NSUN6: variants seen among roughly 807,000 people sequenced by gnomAD.
The protein encoded by NSUN6 is tRNA (cytosine(72)-C(5))-methyltransferase NSUN6.
A neutral mutation model predicts 58.0 loss-of-function variants in NSUN6; 64 were observed. That is an observed-to-expected ratio of 1.10 (90% CI 0.90 to 1.36). The LOEUF (loss-of-function observed/expected upper bound fraction) is 1.36, where lower values mean the gene tolerates loss of function less well. Ranked by LOEUF, NSUN6 falls within the 40% of genes most tolerant of loss-of-function variation. NSUN6 has a pLI of 0.00. For synonymous variants in NSUN6, 231 were observed against 193.9 expected, an observed-to-expected ratio of 1.19 and a Z score of -1.59; for missense variants, 701 against 550.1, an observed-to-expected ratio of 1.27 and a Z score of -2.74.
At chr10:18,643,067 G>A (rs1473152228) in intron 2 of NSUN6, among the ~76,000 whole-genome samples, 1 of 151,884 alleles carries the variant, frequency 6.6e-6, no homozygotes, top group Non-Finnish European at 1.5e-5. Context: ...AGCAGGTACA[G>A]GTGCGGGAGC....
intron 8 of NSUN6, among the ~76,000 whole-genome samples, chr10:18,578,906 G>A (rs975901589): frequency 2.6e-5 from 4 of 152,108 alleles, no homozygotes; most frequent in African/African-American, 9.7e-5. Flanking sequence ...TGTAAATGGT[G>A]AACCTGTCAA....
At chr10:18,625,435 G>A (rs2058757274) in intron 3 of NSUN6, among the ~76,000 whole-genome samples, 2 of 152,120 alleles carry the variant, frequency 1.3e-5, no homozygotes, top group South Asian at 4.1e-4. Flanking sequence ...GAAATAGGCT[G>A]AGTGTGGTGG....
At chr10:18,651,107 C>A (rs796460734) in intron 1 of NSUN6, 22 bp downstream of exon 1, 1 of 1,571,552 alleles carries the variant, frequency 6.4e-7, no homozygotes, top group African/African-American at 1.4e-5. Context: ...AAAATATCAA[C>A]TAACATCTTT....
chr10:18,582,043 C>T (rs2056926126), intron 8 of NSUN6, among the ~76,000 whole-genome samples: 3 of 152,134 alleles, frequency 2.0e-5, no homozygotes, highest in African/African-American at 2.4e-5. Context: ...CTTGCTGAGG[C>T]GTTCTTCCCT....
At chr10:18,585,359 A>C (rs1344676467) in intron 8 of NSUN6, among the ~76,000 whole-genome samples, 1 of 152,188 alleles carries the variant, frequency 6.6e-6, no homozygotes, top group East Asian at 1.9e-4. Context: ...AGATATCTGC[A>C]CTCTCATTTC....
chr10:18,547,309 A>G (rs1032679500), intron 10 of NSUN6, among the ~76,000 whole-genome samples: 6 of 152,244 alleles, frequency 3.9e-5, no homozygotes, highest in African/African-American at 1.2e-4. Context: ...AAAACTTCCC[A>G]TCCCTTTTAG....
chr10:18,622,145 G>A (rs79257059), intron 3 of NSUN6, among the ~76,000 whole-genome samples: 4,252 of 152,072 alleles, frequency 0.028, 216 homozygotes, highest in South Asian at 0.16. Context: ...GCTGAAACCC[G>A]AACTCAATGT....
chr10:18,594,453 T>G lies in NSUN6; in HGVS notation c.777+1755A>C, dbSNP rs563326980. 2.6e-4 allele frequency among the ~76,000 whole-genome samples: 40 copies of G among 152,072 alleles called. 1 individual carries two copies. The highest frequency in any genetic ancestry group is 1.9e-3 in the South Asian group (9 of 4,814). On this transcript the variant is annotated intron_variant, in intron 7 of 10. Transcript: ENST00000377304. ...TCTGTTTTTTTTTGTTGTTGTTGTT[T>G]TTTGTTTTTTTTTGAGACGGAGTCT... is the stretch of plus-strand genomic sequence containing the variant.
intron 3 of NSUN6, among the ~76,000 whole-genome samples, chr10:18,628,773 G>A (rs559178901): frequency 1.3e-5 from 2 of 152,238 alleles, no homozygotes; most frequent in East Asian, 1.9e-4. Context: ...CCAAATCTAC[G>A]TCGATTGGTG....
chr10:18,613,549 G>A (rs550650837), intron 5 of NSUN6, among the ~76,000 whole-genome samples: 10 of 152,118 alleles, frequency 6.6e-5, no homozygotes, highest in African/African-American at 2.4e-4. Flanking sequence ...AACTAATGGA[G>A]GCAGTCAAAA....
chr10:18,606,894 G>C (rs1045075111), intron 6 of NSUN6, among the ~76,000 whole-genome samples: 1 of 152,124 alleles, frequency 6.6e-6, no homozygotes, highest in Admixed American at 6.5e-5. Context: ...GTGGGATAAT[G>C]AGGCTCCCTG....
chr10:18,611,036 T>TA (rs2058214601), intron 5 of NSUN6, among the ~76,000 whole-genome samples: 1 of 151,594 alleles, frequency 6.6e-6, no homozygotes. Flanking sequence ...ACATAAAATT[T>TA]AAAAAATTAC....
intron 8 of NSUN6, among the ~76,000 whole-genome samples, chr10:18,564,418 C>T (rs1224038583): frequency 6.7e-6 from 1 of 149,744 alleles, no homozygotes; most frequent in Non-Finnish European, 1.5e-5. Context: ...CCATTCCATT[C>T]TCCGTTCCAT....
intron 3 of NSUN6, among the ~76,000 whole-genome samples, chr10:18,629,608 T>A (rs2058956510): frequency 6.6e-6 from 1 of 150,492 alleles, no homozygotes; most frequent in Non-Finnish European, 1.5e-5. Flanking sequence ...ACAATCCTAG[T>A]CTCTGATAAA....
chr10:18,560,270 G>A (rs1010972470), intron 8 of NSUN6, among the ~76,000 whole-genome samples: 2 of 151,032 alleles, frequency 1.3e-5, no homozygotes, highest in African/African-American at 4.9e-5. Flanking sequence ...GGACGGCAAT[G>A]GAATAGAGAA....
At position 18,616,139 on chromosome 10, in the gene NSUN6, T is replaced by C. The variant is rs11813862; in HGVS notation, c.421+45A>G. 2,442 of 1,104,082 alleles carry C rather than the reference T, an allele frequency of 2.2e-3. 43 individuals are homozygous for C. In the African/African-American group the frequency reaches 0.035, roughly 16 times the overall value. 68.4% of individuals were successfully genotyped at this position (1,104,082 alleles called of 1,614,324 possible). A position where few individuals can be genotyped will look rare whatever the true frequency, so the allele number is the denominator to read the frequency against. Reference sequence around the variant, plus strand: ...TAAATTTTCCATTTGAAAATGCACATAAATTTTAGAGAACCTTAAAGACAA... The same window carrying C: ...TAAATTTTCCATTTGAAAATGCACACAAATTTTAGAGAACCTTAAAGACAA... On this transcript the variant is annotated intron_variant, in intron 4 of 10. Transcript: ENST00000377304.
chr10:18,601,688 T>C (rs972176405), intron 6 of NSUN6, among the ~76,000 whole-genome samples: 3 of 152,066 alleles, frequency 2.0e-5, no homozygotes, highest in Admixed American at 6.5e-5. Flanking sequence ...TTTTTACTTA[T>C]AAAAGGAAAT....
chr10:18,554,861 C>A (rs1339384539), intron 8 of NSUN6, among the ~76,000 whole-genome samples: 2 of 135,924 alleles, frequency 1.5e-5, no homozygotes, highest in Non-Finnish European at 3.2e-5. Flanking sequence ...GGAGAATGGA[C>A]TGGGAAATGG....
At chr10:18,559,179 AATGGAATGGAAG>A (rs1201154754) in intron 8 of NSUN6, among the ~76,000 whole-genome samples, 3 of 151,436 alleles carry the variant, frequency 2.0e-5, no homozygotes, top group Admixed American at 6.6e-5. Flanking sequence ...TGGAGAATAG[AATGGAATGGAAG>A]ATGGAATGGA....
Sources: allele counts gnomAD v4.1 joint callset (sites outside exome capture counted in the v4.1 genomes callset), GRCh38; gene constraint gnomAD v4.1.1; transcripts MANE v1.5; gene names NCBI Gene and HGNC (gene_info 2026-07-23, HGNC 2026-07-21).